The following FRMPD3 variants were observed in gnomAD, a reference collection of about 807,000 sequenced individuals.
FRMPD3 encodes the protein FERM and PDZ domain containing 3.
Under a neutral mutation model 97.9 loss-of-function variants are expected in FRMPD3, and 42 were observed. The ratio of observed to expected loss-of-function variants is 0.43; its 90% CI spans 0.34 to 0.55. The LOEUF (loss-of-function observed/expected upper bound fraction) is 0.55. Ranked by LOEUF, FRMPD3 falls within the 20% of genes least tolerant of loss-of-function variation. The pLI, the probability that FRMPD3 is intolerant of heterozygous loss-of-function variation, is 0.03. For synonymous variants in FRMPD3, 577 were observed against 581.1 expected, an observed-to-expected ratio of 0.99 and a Z score of 0.10; for missense variants, 1,303 against 1,457.7, an observed-to-expected ratio of 0.89 and a Z score of 1.73.
At chrX:107,563,329 C>A in intron 11 of FRMPD3, 129 bp downstream of exon 11, 2 of 469,965 alleles carry the variant, frequency 4.3e-6, no homozygotes, top group Non-Finnish European at 7.1e-6. Flanking sequence ...CTACCTCTTA[C>A]CTCCCTGGCC....
chrX:107,480,821 C>T (rs55751752), intron 1 of FRMPD3, among the ~76,000 whole-genome samples: 10 of 76,447 alleles, frequency 1.3e-4, no homozygotes, highest in African/African-American at 3.6e-4. Context: ...AGTGAAACTC[C>T]GTCAAAAAAA....
rs552162983 is a variant in FRMPD3, at chrX:107,499,363, G to T, written c.-7-27219G>T. 5.3e-5 allele frequency among the ~76,000 whole-genome samples: 6 copies of T among 112,182 alleles called. No individual in the cohort carries two copies. In the Admixed American group the frequency reaches 5.6e-4, roughly 11 times the overall value. The stretch of plus-strand genomic sequence containing the variant: ...GCCTGGTATGGTCCCCATGAGAAAG[G>T]CAAGACTACCTTCTCTCTAGAGTAC... On this transcript the variant is annotated intron_variant, in intron 1 of 14. Coordinates refer to ENST00000683843, the MANE Select transcript of FRMPD3 (RefSeq NM_001388459.1).
In FRMPD3 at chrX:107,601,227, G is replaced by A. The variant is rs1229159235; in HGVS notation, c.3188G>A (p.Ser1063Asn). Residue 1063 changes from serine (S) to asparagine (N), a missense_variant, in exon 15 of 15, where the codon AGC becomes AAC. Transcript: ENST00000683843. ...SLPVQNFPPK[S>N]YLLRTSRESV... is the part of the protein sequence containing the mutation. ...CCTGTTCAAAATTTCCCTCCCAAAA[G>A]CTATCTTTTGCGAACAAGCCGAGAG... The A allele has an allele frequency of 3.3e-6, 4 of 1,208,477 alleles. No homozygotes were observed. The highest frequency in any genetic ancestry group is 4.5e-6 in the Non-Finnish European group (4 of 893,804).
chrX:107,551,200 C>T (rs761206127), intron 6 of FRMPD3, among the ~76,000 whole-genome samples: 1 of 111,365 alleles, frequency 9.0e-6, no homozygotes, highest in Non-Finnish European at 1.9e-5. Flanking sequence ...GTGGGACAGT[C>T]CCTGAATGGA....
At chrX:107,507,329 T>C (rs1014131993) in intron 1 of FRMPD3, among the ~76,000 whole-genome samples, 11 of 110,173 alleles carry the variant, frequency 1.0e-4, no homozygotes, top group African/African-American at 3.6e-4. Flanking sequence ...TTGGACGCTG[T>C]TGGAAAAGTG....
At position 107,600,446 on chromosome X, in the gene FRMPD3, C is replaced by T; in HGVS notation, c.2407C>T (p.Leu803Phe). Reference sequence around the variant, plus strand: ...CACCACCTACTTCCTGGCCCAGCACCTCAACAAGGACAGCCTCCTTGCCCG... The same window carrying T: ...CACCACCTACTTCCTGGCCCAGCACTTCAACAAGGACAGCCTCCTTGCCCG... ...QNTTYFLAQHLNKDSLLARKD... is the reference protein window; with the variant it reads ...QNTTYFLAQHFNKDSLLARKD... Residue 803 changes from leucine to phenylalanine, a missense_variant, in exon 15 of 15, where the codon CTC (leucine) becomes TTC (phenylalanine). Physicochemically the swap from Leu to Phe is conservative, Grantham distance 22. Coordinates refer to ENST00000683843, the MANE Select transcript of FRMPD3 (RefSeq NM_001388459.1). 2 of 1,210,681 alleles carry T rather than the reference C, an allele frequency of 1.7e-6. No homozygotes were observed. Among genetic ancestry groups the T allele is most frequent in the South Asian group, 1.8e-5 (1 of 56,948 alleles).
At chrX:107,553,917 G>A (rs1415290139) in intron 7 of FRMPD3, among the ~76,000 whole-genome samples, 3 of 111,965 alleles carry the variant, frequency 2.7e-5, no homozygotes, top group African/African-American at 9.7e-5. Flanking sequence ...CCATTCCCAG[G>A]TTCAACAATT....
At chrX:107,541,782 GA>G (rs2147567896) in intron 4 of FRMPD3, among the ~76,000 whole-genome samples, 1 of 112,361 alleles carries the variant, frequency 8.9e-6, no homozygotes, top group Admixed American at 9.4e-5. Flanking sequence ...GAAAGATCAG[GA>G]AAGGACTCCC....
intron 4 of FRMPD3, among the ~76,000 whole-genome samples, chrX:107,534,372 C>G (rs914966166): frequency 1.8e-5 from 2 of 110,993 alleles, no homozygotes; most frequent in Non-Finnish European, 3.8e-5. Context: ...CAGTCCTCTG[C>G]ACCCCAGCAT....
chrX:107,551,625 G>A (rs149487727), intron 6 of FRMPD3, among the ~76,000 whole-genome samples: 7 of 112,047 alleles, frequency 6.2e-5, no homozygotes, highest in African/African-American at 2.3e-4. Context: ...GTGTGCTGGC[G>A]ACTTATTGGA....
chrX:107,551,707 G>A lies in FRMPD3; in HGVS notation c.511-1088G>A. ...GAATTGACAGCCTGGCACAGGGGCTGTTACACTTGTAACACCAGTTGGCAA... is the reference window on the plus strand; with the variant it reads ...GAATTGACAGCCTGGCACAGGGGCTATTACACTTGTAACACCAGTTGGCAA... On this transcript the variant is annotated intron_variant, in intron 6 of 14. Coordinates refer to ENST00000683843, the MANE Select transcript of FRMPD3 (RefSeq NM_001388459.1). Among the ~76,000 whole-genome samples, 3 of 112,415 alleles carry A rather than the reference G, an allele frequency of 2.7e-5. 1 individual carries two copies. The Middle Eastern group carries it at 0.014, about 520-fold the overall frequency.
intron 13 of FRMPD3, among the ~76,000 whole-genome samples, chrX:107,592,073 T>C (rs937189294): frequency 9.0e-6 from 1 of 111,276 alleles, no homozygotes; most frequent in Non-Finnish European, 1.9e-5. Flanking sequence ...TAATCATCTT[T>C]TATTCCTCAC....
In FRMPD3 at chrX:107,504,118, T is replaced by C. The variant is rs369070807; in HGVS notation, c.-7-22464T>C. Among the ~76,000 whole-genome samples, 229 of 112,326 alleles carry C rather than the reference T, an allele frequency of 2.0e-3. 1 individual carries two copies. The highest frequency in any genetic ancestry group is 4.8e-3 in the South Asian group (13 of 2,716). On this transcript the variant is annotated intron_variant, in intron 1 of 14. Transcript: ENST00000683843. ...TGTGACAAGGGAATCTATGAAGACA[T>C]TGAGAGGAGCCTCAGCCGCAAGAGG...
chrX:107,598,632 G>A (rs904641109), intron 14 of FRMPD3, among the ~76,000 whole-genome samples: 10 of 112,366 alleles, frequency 8.9e-5, no homozygotes, highest in African/African-American at 3.2e-4. Context: ...ATGCACCGAA[G>A]TCCTGGTTTC....
chrX:107,467,516 A>G (rs1049620234), intron 1 of FRMPD3, among the ~76,000 whole-genome samples: 5 of 111,516 alleles, frequency 4.5e-5, no homozygotes, highest in Non-Finnish European at 9.4e-5. Flanking sequence ...TATTTATCAT[A>G]GTTCCTTTTA....
At chrX:107,549,502 G>T (rs901437096) in intron 5 of FRMPD3, among the ~76,000 whole-genome samples, 3 of 110,169 alleles carry the variant, frequency 2.7e-5, no homozygotes, top group African/African-American at 9.9e-5. Context: ...AAGAGGTGTG[G>T]GTACTAGGAA....
Position 107,545,986 on chromosome X carries a change from T to C in FRMPD3, c.402+145T>C, listed in dbSNP as rs898992408. 1.5e-5 allele frequency: 7 copies of C among 464,309 alleles called. No individual in the cohort carries two copies. In the African/African-American group the frequency reaches 1.7e-4, roughly 11 times the overall value. The allele number at this position is 464,309 out of a possible 1,213,427, so 38.3% of individuals were successfully genotyped here. ...CCAGGTGCTGGAGGGGGAAAAGTAG[T>C]GAGTGAAGAGGGATACGTGACATCC... On this transcript the variant is annotated intron_variant, in intron 5 of 14. Coordinates refer to ENST00000683843, the MANE Select transcript of FRMPD3 (RefSeq NM_001388459.1).
Position 107,603,238 on chromosome X carries a change from G to T in FRMPD3, c.5199G>T (p.Gln1733His). 1 of 1,084,166 alleles carries T rather than the reference G, an allele frequency of 9.2e-7. No homozygotes were observed. The allele number at this position is 1,084,166 out of a possible 1,213,427, so 89.3% of individuals were successfully genotyped here. The change falls in exon 15 of 15, where the codon CAG (glutamine) becomes CAT (histidine). Residue 1733 changes from glutamine (Q) to histidine (H), a missense_variant. This residue lies in a region of FRMPD3 where 764 missense variants were observed against 820.2 expected (regional missense o/e 0.93). Coordinates refer to ENST00000683843, the MANE Select transcript of FRMPD3 (RefSeq NM_001388459.1). ...AGCAGCAGCAACAACAACAGCAGCAGCAACAACAACAGCAGCAGCAGCAGC... is the reference window on the plus strand; with the variant it reads ...AGCAGCAGCAACAACAACAGCAGCATCAACAACAACAGCAGCAGCAGCAGC... ...QQQQQQQQQQ[Q>H]QQQQQQQQQQ...
At chrX:107,560,458 T>C (rs1294345665) in intron 9 of FRMPD3, 65 bp downstream of exon 9, 2 of 1,159,404 alleles carry the variant, frequency 1.7e-6, no homozygotes, top group Non-Finnish European at 2.3e-6. Flanking sequence ...GGTACACTGG[T>C]TGAGCTATGC....
Sources: allele counts gnomAD v4.1 joint callset (sites outside exome capture counted in the v4.1 genomes callset), GRCh38; gene constraint gnomAD v4.1.1; regional missense constraint gnomAD v4.1.1; transcripts MANE v1.5; gene names NCBI Gene and HGNC (gene_info 2026-07-23, HGNC 2026-07-21).